The following DLG2 variants were observed in gnomAD, a reference collection of about 807,000 sequenced individuals.
DLG2 encodes disks large homolog 2.
A neutral mutation model predicts 132.5 loss-of-function variants in DLG2; 45 were observed. The ratio of observed to expected loss-of-function variants is 0.34; its 90% CI spans 0.27 to 0.44. The LOEUF (loss-of-function observed/expected upper bound fraction) is 0.44. Ranked by LOEUF, DLG2 falls within the 20% of genes least tolerant of loss-of-function variation. The pLI is 1.00. For synonymous variants in DLG2, 424 were observed against 419.6 expected (o/e 1.01, Z -0.13); for missense variants, 1,045 against 1,196.9 (o/e 0.87, Z 1.87).
At chr11:84,035,639 T>A (rs1049651242) in intron 11 of DLG2, among the ~76,000 whole-genome samples, 1 of 152,106 alleles carries the variant, frequency 6.6e-6, no homozygotes, top group African/African-American at 2.4e-5. Context: ...GGAGTTTGAT[T>A]AAGTGGGAGG....
intron 9 of DLG2, among the ~76,000 whole-genome samples, chr11:84,138,405 T>C (rs1006294975): frequency 6.6e-6 from 1 of 152,176 alleles, no homozygotes; most frequent in African/African-American, 2.4e-5. Context: ...AAGGATTTGA[T>C]CAGTTCACCT....
chr11:84,783,466 G>C (rs2072201786), intron 6 of DLG2, among the ~76,000 whole-genome samples: 1 of 152,062 alleles, frequency 6.6e-6, no homozygotes, highest in Non-Finnish European at 1.5e-5. Context: ...AGCATTTTCT[G>C]TTCTCCAAGG....
At chr11:84,691,623 A>G (rs532545324) in intron 6 of DLG2, among the ~76,000 whole-genome samples, 21 of 151,738 alleles carry the variant, frequency 1.4e-4, no homozygotes, top group African/African-American at 4.8e-4. Context: ...ATAGAAAAAT[A>G]ATCTATTCTA....
chr11:85,607,683 A>G (rs191404038), intron 2 of DLG2, among the ~76,000 whole-genome samples: 31 of 152,330 alleles, frequency 2.0e-4, no homozygotes, highest in African/African-American at 6.7e-4. Flanking sequence ...AGGGGAGACT[A>G]TCTGGAATTT....
At chr11:84,621,892 G>A (rs1032204806) in intron 6 of DLG2, among the ~76,000 whole-genome samples, 5 of 152,106 alleles carry the variant, frequency 3.3e-5, no homozygotes, top group African/African-American at 1.2e-4. Flanking sequence ...CAGCACATTG[G>A]GCTGGAAAAC....
chr11:85,438,946 A>C (rs2091633999), intron 3 of DLG2, among the ~76,000 whole-genome samples: 1 of 152,182 alleles, frequency 6.6e-6, no homozygotes, highest in South Asian at 2.1e-4. Flanking sequence ...TATATTATGT[A>C]ACCTTTTTGT....
At chr11:84,767,983 A>C (rs2068676169) in intron 6 of DLG2, among the ~76,000 whole-genome samples, 1 of 152,138 alleles carries the variant, frequency 6.6e-6, no homozygotes, top group African/African-American at 2.4e-5. Context: ...ATGATACTGA[A>C]GTTATGGAAG....
chr11:85,021,320 C>CT, intron 6 of DLG2: 2 of 1,268,976 alleles, frequency 1.6e-6, no homozygotes, highest in Admixed American at 3.4e-5. Flanking sequence ...AAGTCATAGT[C>CT]TAAGTCGAAA....
intron 8 of DLG2, among the ~76,000 whole-genome samples, chr11:84,226,085 A>G (rs1168829037): frequency 6.6e-6 from 1 of 152,240 alleles, no homozygotes; most frequent in Admixed American, 6.5e-5. Flanking sequence ...CGTTGGGATT[A>G]CAGGCGTGAG....
intron 11 of DLG2, among the ~76,000 whole-genome samples, chr11:83,998,974 A>G (rs981838149): frequency 1.3e-5 from 2 of 152,292 alleles, no homozygotes; most frequent in Admixed American, 6.5e-5. Flanking sequence ...GGTAGTGGCT[A>G]TCACAACAAG....
chr11:85,114,974 G>A (rs1050868381), intron 5 of DLG2, among the ~76,000 whole-genome samples: 2 of 151,836 alleles, frequency 1.3e-5, no homozygotes, highest in African/African-American at 2.4e-5. Context: ...ATAAAATTTT[G>A]ACCTAAATGT....
At chr11:84,546,082 T>C (rs2099389228) in intron 6 of DLG2, among the ~76,000 whole-genome samples, 1 of 152,168 alleles carries the variant, frequency 6.6e-6, no homozygotes, top group Non-Finnish European at 1.5e-5. Flanking sequence ...CAGTGTCTTC[T>C]TTAGTGCCAC....
At chr11:84,449,245 TA>T (rs1050465542) in intron 7 of DLG2, among the ~76,000 whole-genome samples, 45 of 151,906 alleles carry the variant, frequency 3.0e-4, no homozygotes, top group Admixed American at 1.0e-3. Context: ...CAGTAATAAA[TA>T]AAATCCCTTT....
chr11:84,337,602 T>C (rs2098492853), intron 7 of DLG2, among the ~76,000 whole-genome samples: 1 of 152,182 alleles, frequency 6.6e-6, no homozygotes, highest in Non-Finnish European at 1.5e-5. Flanking sequence ...AATACTCTTC[T>C]CAGTAGAATT....
chr11:85,594,861 T>A (rs1162702764), intron 3 of DLG2, among the ~76,000 whole-genome samples: 5 of 150,526 alleles, frequency 3.3e-5, no homozygotes, highest in African/African-American at 9.8e-5. Flanking sequence ...AGGTCAGGAG[T>A]TCGAGACCAG....
chr11:85,387,424 G>T (rs1305889467), intron 3 of DLG2, among the ~76,000 whole-genome samples: 1 of 152,090 alleles, frequency 6.6e-6, no homozygotes, highest in Non-Finnish European at 1.5e-5. Context: ...ATCAGTGTTT[G>T]TTTTACCATT....
intron 22 of DLG2, among the ~76,000 whole-genome samples, chr11:83,473,751 C>A (rs1279690972): frequency 6.6e-6 from 1 of 152,020 alleles, no homozygotes; most frequent in African/African-American, 2.4e-5. Flanking sequence ...TGCTGTATAT[C>A]CTCACCACCC....
At chr11:85,048,781 T>C (rs1354656081) in intron 6 of DLG2, among the ~76,000 whole-genome samples, 7 of 152,042 alleles carry the variant, frequency 4.6e-5, no homozygotes, top group African/African-American at 1.7e-4. Flanking sequence ...AGCAGATTTT[T>C]ATGGGAGAAA....
At chr11:84,016,489 C>T (rs1015175087) in intron 11 of DLG2, among the ~76,000 whole-genome samples, 2 of 152,066 alleles carry the variant, frequency 1.3e-5, no homozygotes, top group Non-Finnish European at 2.9e-5. Context: ...TTGGGTTTTA[C>T]ATTTAAGTCC....
Sources: gnomAD v4.1 joint callset for allele counts (sites outside exome capture counted in the v4.1 genomes callset) on GRCh38, gnomAD v4.1.1 for gene constraint, MANE v1.5 for transcripts, NCBI Gene and HGNC (gene_info 2026-07-23, HGNC 2026-07-21) for gene names.